SLC22A23: variants seen among roughly 807,000 people sequenced by gnomAD.
SLC22A23 encodes ion transporter protein.
SLC22A23 carries 26 observed loss-of-function variants against 61.0 expected under a neutral mutation model. That is an observed-to-expected ratio of 0.43 (90% CI 0.31 to 0.59). The LOEUF (loss-of-function observed/expected upper bound fraction) is 0.59. Ranked by LOEUF, SLC22A23 falls within the 20% of genes least tolerant of loss-of-function variation. The probability of loss-of-function intolerance (pLI) is 0.11; values close to 1 mark genes in which losing one functional copy is unlikely to be tolerated. For missense variants in SLC22A23, 796 were observed against 934.7 expected (o/e 0.85, Z 1.94); for synonymous variants, 430 against 413.9 (o/e 1.04, Z -0.47).
intron 3 of SLC22A23, among the ~76,000 whole-genome samples, chr6:3,383,889 T>C (rs917205591): frequency 2.0e-5 from 3 of 152,210 alleles, no homozygotes; most frequent in African/African-American, 7.2e-5. Flanking sequence ...GAAGGATTTA[T>C]GGTATGGAGT....
At chr6:3,331,947 C>T (rs566673652) in intron 3 of SLC22A23, among the ~76,000 whole-genome samples, 14 of 152,306 alleles carry the variant, frequency 9.2e-5, no homozygotes, top group Admixed American at 5.2e-4. Flanking sequence ...CCAGGTTTTC[C>T]AACAACCAGT....
intron 3 of SLC22A23, among the ~76,000 whole-genome samples, chr6:3,389,595 T>C (rs1410683937): frequency 6.6e-6 from 1 of 152,184 alleles, no homozygotes; most frequent in African/African-American, 2.4e-5. Context: ...TCTACTGCTC[T>C]CTTACTGCCC....
At chr6:3,296,977 C>T (rs1310111071) in intron 5 of SLC22A23, among the ~76,000 whole-genome samples, 2 of 152,218 alleles carry the variant, frequency 1.3e-5, no homozygotes, top group African/African-American at 4.8e-5. Flanking sequence ...CACTCAGGCC[C>T]CTGCACCTGT....
rs1010144582 is a variant in SLC22A23 at position 3,365,871 on chromosome 6, C to T, written c.914-41869G>A. On this transcript the variant is annotated intron_variant, in intron 3 of 9. Coordinates refer to ENST00000406686, the MANE Select transcript of SLC22A23 (RefSeq NM_015482.2). ...AAAGCAGAAAACTTTATCTTCTGGC[C>T]GACATACTTTGCTAACCAAAGACTT... Among the ~76,000 whole-genome samples the T allele has an allele frequency of 3.3e-5, 5 of 152,108 alleles. No homozygotes were observed. In the South Asian group the frequency reaches 8.3e-4, roughly 25 times the overall value.
chr6:3,366,138 G>T (rs944560979), intron 3 of SLC22A23, among the ~76,000 whole-genome samples: 4 of 151,858 alleles, frequency 2.6e-5, no homozygotes, highest in African/African-American at 9.7e-5. Context: ...AGACCACCCT[G>T]GCTAACATGG....
intron 9 of SLC22A23, among the ~76,000 whole-genome samples, chr6:3,277,878 G>C (rs1210030479): frequency 4.6e-5 from 7 of 152,354 alleles, no homozygotes; most frequent in African/African-American, 1.7e-4. Flanking sequence ...TCCACAACAA[G>C]GTTCCAAAAG....
chr6:3,275,536 G>A (rs751755421), intron 9 of SLC22A23, among the ~76,000 whole-genome samples: 15 of 152,158 alleles, frequency 9.9e-5, no homozygotes, highest in Non-Finnish European at 1.6e-4. Flanking sequence ...ACCATAGACT[G>A]GGAGAAAATA....
chr6:3,415,749 C>T lies in SLC22A23; in HGVS notation c.758+3G>A, dbSNP rs1180691190. The T allele has an allele frequency of 6.5e-7, 1 of 1,549,198 alleles. No homozygotes were observed. The highest frequency in any genetic ancestry group is 2.4e-5 in the East Asian group (1 of 41,054). On this transcript the variant is annotated splice_donor_region_variant and intron_variant, in intron 2 of 9. Coordinates refer to ENST00000406686, the MANE Select transcript of SLC22A23 (RefSeq NM_015482.2). ...TTCGTGCGGCGGGCATGTTGGTACT[C>T]ACCAGTCAGCAATGCATCCAGTTAT...
chr6:3,432,666 C>T (rs533030232), intron 1 of SLC22A23, among the ~76,000 whole-genome samples: 3 of 152,212 alleles, frequency 2.0e-5, no homozygotes, highest in Admixed American at 6.5e-5. Context: ...GACACACGCA[C>T]GCAAGCACAA....
At chr6:3,368,597 G>A (rs906164000) in intron 3 of SLC22A23, among the ~76,000 whole-genome samples, 2 of 152,124 alleles carry the variant, frequency 1.3e-5, no homozygotes, top group Admixed American at 6.5e-5. Context: ...AACTGAAAAA[G>A]TTAAGGATGG....
At chr6:3,283,822 G>C in intron 9 of SLC22A23, 30 bp downstream of exon 9, 1 of 1,612,544 alleles carries the variant, frequency 6.2e-7, no homozygotes, top group South Asian at 1.1e-5. Context: ...CGAGAAGCCG[G>C]CGTCCCCTGG....
At chr6:3,451,818 C>A (rs1346991677) in intron 1 of SLC22A23, among the ~76,000 whole-genome samples, 2 of 152,266 alleles carry the variant, frequency 1.3e-5, no homozygotes, top group South Asian at 4.1e-4. Flanking sequence ...CACAGATGGT[C>A]CCCGGCTTAA....
In SLC22A23 at chr6:3,283,975, C is replaced by G. The variant is rs1759726957; in HGVS notation, c.1580G>C (p.Gly527Ala). 1 of 1,601,672 alleles carries G rather than the reference C, an allele frequency of 6.2e-7. No individual in the cohort carries two copies. Among genetic ancestry groups the G allele is most frequent in the South Asian group, 1.1e-5 (1 of 90,500 alleles). The change falls in exon 9 of 10, where the codon GGG (glycine) becomes GCG (alanine). Residue 527 changes from glycine to alanine, a missense_variant and splice_region_variant. Physicochemically the swap from Gly to Ala is moderately conservative, Grantham distance 60 (BLOSUM62 0). Transcript: ENST00000406686. ...IGKYSQHPDS[G>A]MSDSVKDKFS... is the part of the protein sequence containing the mutation. The stretch of plus-strand genomic sequence containing the variant: ...TTTGTCCTTGACGCTGTCACTCATC[C>G]CTGGGGGAAGGTCAGAAGAAGGTGG...
intron 1 of SLC22A23, among the ~76,000 whole-genome samples, chr6:3,433,503 T>C (rs1771004350): frequency 6.6e-6 from 1 of 152,204 alleles, no homozygotes; most frequent in African/African-American, 2.4e-5. Flanking sequence ...AGCTTATAAA[T>C]AAGTCAAGAC....
intron 2 of SLC22A23, among the ~76,000 whole-genome samples, chr6:3,413,203 C>A (rs9503584): frequency 6.6e-6 from 1 of 152,122 alleles, no homozygotes; most frequent in Non-Finnish European, 1.5e-5. Flanking sequence ...TTTGACCTTG[C>A]GGCTCTCGAC....
chr6:3,424,920 G>C (rs532095375), intron 1 of SLC22A23, among the ~76,000 whole-genome samples: 2 of 152,270 alleles, frequency 1.3e-5, no homozygotes, highest in South Asian at 2.1e-4. Flanking sequence ...CTTGAAGAAA[G>C]GGACCATGTC....
rs765919420 is a variant in SLC22A23, at chr6:3,456,097, G to A, written c.463C>T (p.Leu155Phe). Residue 155 changes from leucine to phenylalanine, a missense_variant, in exon 1 of 10, where the codon CTC (leucine) becomes TTC (phenylalanine). Leu to Phe is a conservative substitution (Grantham distance 22). Coordinates refer to ENST00000406686, the MANE Select transcript of SLC22A23 (RefSeq NM_015482.2). This position sits in a 1 kb window ranked among gnomAD's most constrained non-coding sequence, Gnocchi z 7.1. The part of the protein sequence containing the change: ...RGGDMGNWTS[L>F]PTTPFATAPW... ...GCAGTGGCGAAGGGGGTGGTGGGGA[G>A]GCTGGTCCAGTTGCCCATGTCCCCG... 6.4e-7 allele frequency: 1 copy of A among 1,550,450 alleles called. No individual in the cohort carries two copies. Among genetic ancestry groups the A allele is most frequent in the Non-Finnish European group, 8.7e-7 (1 of 1,146,662 alleles).
rs894592643 is a variant in SLC22A23, at chr6:3,272,882, C to G, written c.*173G>C. The G allele has an allele frequency of 2.8e-4, 156 of 567,036 alleles. No individual in the cohort carries two copies. In the African/African-American group the frequency reaches 2.8e-3, roughly 10 times the overall value. 35.1% of individuals were successfully genotyped at this position (567,036 alleles called of 1,614,324 possible). On this transcript the variant is annotated 3_prime_UTR_variant, in exon 10 of 10. Transcript: ENST00000406686. ...AGGGTTATTTCCAAAGAGTTTGTCTCCTCCGACCCGCGCTCCTTGGACTTT... is the reference window on the plus strand; with the variant it reads ...AGGGTTATTTCCAAAGAGTTTGTCTGCTCCGACCCGCGCTCCTTGGACTTT...
intron 3 of SLC22A23, among the ~76,000 whole-genome samples, chr6:3,332,356 T>C (rs1185882169): frequency 6.6e-6 from 1 of 151,542 alleles, no homozygotes; most frequent in African/African-American, 2.4e-5. Context: ...CATCTAGTAA[T>C]AGTAAATATA....
Sources: gnomAD v4.1 joint callset for allele counts (sites outside exome capture counted in the v4.1 genomes callset) on GRCh38, gnomAD v4.1.1 for gene constraint, Gnocchi (gnomAD v3.1) non-coding constraint, MANE v1.5 for transcripts, NCBI Gene and HGNC (gene_info 2026-07-23, HGNC 2026-07-21) for gene names.